Variants in HELQ observed in about 807,000 individuals in gnomAD.
HELQ encodes the protein helicase POLQ-like.
Under a neutral mutation model 111.6 loss-of-function variants are expected in HELQ, and 77 were observed. The observed-to-expected ratio is 0.69, with a 90% CI of 0.57 to 0.83. The LOEUF (loss-of-function observed/expected upper bound fraction) is 0.83. Ranked by LOEUF, HELQ falls within the 40% of genes least tolerant of loss-of-function variation. The probability of loss-of-function intolerance (pLI) is 0.00; values close to 1 mark genes in which losing one functional copy is unlikely to be tolerated. For synonymous variants in HELQ, 438 were observed against 454.7 expected (o/e 0.96, Z 0.47); for missense variants, 1,200 against 1,288.5 (o/e 0.93, Z 1.05).
intron 2 of HELQ, among the ~76,000 whole-genome samples, chr4:83,450,516 G>T (rs1055769184): frequency 1.3e-5 from 2 of 151,762 alleles, no homozygotes; most frequent in Non-Finnish European, 2.9e-5. Context: ...AATAAATATT[G>T]AAAAATACTT....
chr4:83,409,703 T>G (rs767144497), intron 17 of HELQ, among the ~76,000 whole-genome samples: 2 of 152,002 alleles, frequency 1.3e-5, no homozygotes. Context: ...TCTGGAGATA[T>G]GAGGAGGAGT....
At chr4:83,453,141 G>T in intron 2 of HELQ, 90 bp downstream of exon 2, 2 of 717,814 alleles carry the variant, frequency 2.8e-6, no homozygotes, top group Non-Finnish European at 4.7e-6. Context: ...GAAACAGTAT[G>T]GACCATGAAA....
chr4:83,445,832 G>T (rs544812441), intron 5 of HELQ, among the ~76,000 whole-genome samples, 182 bp downstream of exon 5: 1 of 152,222 alleles, frequency 6.6e-6, no homozygotes, highest in Admixed American at 6.5e-5. Context: ...AATAATAGAG[G>T]ACTTCTTCAA....
At chr4:83,443,279 T>C (rs79983494) in intron 6 of HELQ, among the ~76,000 whole-genome samples, 79 of 152,220 alleles carry the variant, frequency 5.2e-4, no homozygotes, top group African/African-American at 1.4e-3. Context: ...CAATGAACGT[T>C]CATTGACAGC....
intron 17 of HELQ, among the ~76,000 whole-genome samples, chr4:83,410,954 C>T (rs1176563270): frequency 6.7e-6 from 1 of 150,062 alleles, no homozygotes; most frequent in East Asian, 1.9e-4. Context: ...AGTTCGAGAC[C>T]AAACCGGGCA....
At chr4:83,446,743 T>C in intron 4 of HELQ, 92 bp downstream of exon 4, 1 of 698,564 alleles carries the variant, frequency 1.4e-6, no homozygotes, top group South Asian at 2.0e-5. Context: ...TTTATAGAGG[T>C]ACTAAGGTAC....
intron 3 of HELQ, among the ~76,000 whole-genome samples, chr4:83,447,424 T>C (rs995988049): frequency 1.3e-5 from 2 of 152,014 alleles, no homozygotes; most frequent in African/African-American, 4.8e-5. Flanking sequence ...TCAAAAAAGC[T>C]AAAGTAGTGT....
chr4:83,412,223 G>A (rs1739141235), intron 17 of HELQ, among the ~76,000 whole-genome samples: 1 of 152,150 alleles, frequency 6.6e-6, no homozygotes, highest in African/African-American at 2.4e-5. Context: ...TAGTTTCACT[G>A]TTTTATGTAG....
intron 17 of HELQ, among the ~76,000 whole-genome samples, chr4:83,409,255 T>C (rs778202045): frequency 1.3e-5 from 2 of 151,832 alleles, no homozygotes; most frequent in Non-Finnish European, 2.9e-5. Flanking sequence ...AACTACTATA[T>C]AAAAAGAAAA....
At chr4:83,445,470 A>T (rs112810677) in intron 5 of HELQ, among the ~76,000 whole-genome samples, 4,677 of 152,322 alleles carry the variant, frequency 0.031, 239 homozygotes, top group African/African-American at 0.11. Flanking sequence ...TAGCATATCA[A>T]TAGTAGGTTA....
Position 83,455,420 on chromosome 4 carries a change from T to A in HELQ, c.274A>T (p.Thr92Ser). Residue 92 changes from threonine to serine, a missense_variant, in exon 1 of 18, where the codon ACT becomes TCT. This residue lies in a region of HELQ where 610 missense variants were observed against 607.1 expected (regional missense o/e 1.00). Transcript: ENST00000295488. ...ACCTGGTCTCCCACCCCTCTGTCAG[T>A]GGGCATGTGACGTAGGAGGTCCGGG... Reference protein sequence around the residue: ...TNPDLLRHMPTDRGVGDQPND... With the variant: ...TNPDLLRHMPSDRGVGDQPND... 6.2e-7 allele frequency: 1 copy of A among 1,613,682 alleles called. No individual in the cohort carries two copies. The highest frequency in any genetic ancestry group is 8.5e-7 in the Non-Finnish European group (1 of 1,179,652).
chr4:83,442,992 T>A (rs938055525), intron 6 of HELQ, among the ~76,000 whole-genome samples: 2 of 152,190 alleles, frequency 1.3e-5, no homozygotes, highest in African/African-American at 4.8e-5. Context: ...CAAGCTATTT[T>A]CAAATAACCA....
At chr4:83,416,705 G>C in intron 17 of HELQ, 26 bp downstream of exon 17, 1 of 1,608,250 alleles carries the variant, frequency 6.2e-7, no homozygotes, top group African/African-American at 1.3e-5. Flanking sequence ...AGATTATTAA[G>C]GTTAAAAAAT....
At chr4:83,413,765 T>C (rs1011218975) in intron 17 of HELQ, among the ~76,000 whole-genome samples, 2 of 152,210 alleles carry the variant, frequency 1.3e-5, no homozygotes, top group Non-Finnish European at 2.9e-5. Flanking sequence ...ACCTAGTTTC[T>C]ATGCCATAAA....
intron 16 of HELQ, among the ~76,000 whole-genome samples, chr4:83,417,614 CAG>C (rs1209220235): frequency 6.6e-6 from 1 of 152,176 alleles, no homozygotes; most frequent in Admixed American, 6.5e-5. Flanking sequence ...AACTGAATAA[CAG>C]AGAATAAACT....
intron 13 of HELQ, 67 bp downstream of exon 13, chr4:83,427,496 C>A: frequency 7.5e-7 from 1 of 1,338,870 alleles, no homozygotes; most frequent in East Asian, 2.6e-5. Flanking sequence ...CTCTAAAAAA[C>A]AAAACAAAAC....
At chr4:83,408,552 C>CTT (rs546749656) in intron 17 of HELQ, among the ~76,000 whole-genome samples, 1 of 142,050 alleles carries the variant, frequency 7.0e-6, no homozygotes, top group Non-Finnish European at 1.5e-5. Flanking sequence ...TGCCCAGCCT[C>CTT]TTTTTTTTTT....
rs189265188 is a variant in HELQ, at chr4:83,424,958, T to G, written c.2775+1036A>C. Among the ~76,000 whole-genome samples the G allele has an allele frequency of 1.8e-4, 27 of 152,178 alleles. No homozygotes were observed. The East Asian group carries it at 5.0e-3, about 28-fold the overall frequency. On this transcript the variant is annotated intron_variant, in intron 14 of 17. Transcript: ENST00000295488. ...ATTTTACAAAATGAAATCTGTACTGTCTATGTAAATTTAAAAGGTATAGAG... is the reference window on the plus strand; with the variant it reads ...ATTTTACAAAATGAAATCTGTACTGGCTATGTAAATTTAAAAGGTATAGAG...
At chr4:83,420,420 C>A (rs929805599) in intron 15 of HELQ, among the ~76,000 whole-genome samples, 1 of 151,966 alleles carries the variant, frequency 6.6e-6, no homozygotes, top group Non-Finnish European at 1.5e-5. Context: ...ATCGCTTCAG[C>A]CTGAAGTTCA....
Sources: allele counts gnomAD v4.1 joint callset (sites outside exome capture counted in the v4.1 genomes callset), GRCh38; gene constraint gnomAD v4.1.1; regional missense constraint gnomAD v4.1.1; transcripts MANE v1.5; gene names NCBI Gene and HGNC (gene_info 2026-07-23, HGNC 2026-07-21).